The following GSDME variants were observed in gnomAD, a reference collection of about 807,000 sequenced individuals.
The protein encoded by GSDME is gasdermin-E.
In GSDME, 44 loss-of-function variants were observed where a neutral mutation model predicts 47.5. That is an observed-to-expected ratio of 0.93 (90% CI 0.73 to 1.19). The LOEUF is 1.19. Ranked by LOEUF, GSDME falls within the 50% of genes most tolerant of loss-of-function variation. GSDME has a pLI of 0.00. For synonymous variants in GSDME, 258 were observed against 252.8 expected (o/e 1.02, Z -0.20); for missense variants, 663 against 604.2 (o/e 1.10, Z -1.02).
intron 3 of GSDME, among the ~76,000 whole-genome samples, chr7:24,719,809 A>C (rs1261243444): frequency 6.6e-6 from 1 of 152,022 alleles, no homozygotes; most frequent in Non-Finnish European, 1.5e-5. Context: ...AAAAAGGAAA[A>C]GAAAAGAAAA....
At chr7:24,762,804 A>T (rs1394795299), upstream of GSDME, among the ~76,000 whole-genome samples, 1 of 129,144 alleles carries the variant, frequency 7.7e-6, no homozygotes, top group African/African-American at 2.9e-5. Flanking sequence ...CTTATTTCCT[A>T]CTCGGTAAAC....
chr7:24,771,491 C>T, the GSDME span, among the ~76,000 whole-genome samples: 4 of 152,222 alleles, frequency 2.6e-5, no homozygotes, highest in East Asian at 3.9e-4. The surrounding 1 kb of genome is among the most constrained non-coding windows in gnomAD (Gnocchi z 4.1). Flanking sequence ...TGCTTGGCAC[C>T]GTCTGAAATA....
chr7:24,713,918 T>C (rs1789449432), intron 5 of GSDME, among the ~76,000 whole-genome samples: 1 of 152,088 alleles, frequency 6.6e-6, no homozygotes, highest in Non-Finnish European at 1.5e-5. Flanking sequence ...ATCCCGCCAC[T>C]GCACTCCAGC....
At chr7:24,707,272 AC>A (rs199629968) in intron 7 of GSDME, 133 of 468,014 alleles carry the variant, frequency 2.8e-4, no homozygotes, top group African/African-American at 2.2e-3. Context: ...AGAACAAAAA[AC>A]AAAACTGTAG....
In GSDME at chr7:24,736,975, AAC is replaced by A. The variant is rs980367591; in HGVS notation, c.404+7585_404+7586del. Among the ~76,000 whole-genome samples, 9 of 152,182 alleles carry A rather than the reference AAC, an allele frequency of 5.9e-5. No homozygotes were observed. Among genetic ancestry groups the A allele is most frequent in the South Asian group, 2.1e-4 (1 of 4,832 alleles). ...TTTTATTGAAACAAATGATAACAGA[AAC>A]ACAACAGCAAAACCTATGGGGTACA... On this transcript the variant is annotated intron_variant, in intron 3 of 9. Coordinates refer to ENST00000645220, the MANE Select transcript of GSDME (RefSeq NM_001127453.2). The surrounding 1 kb of genome is among the most constrained non-coding windows in gnomAD (Gnocchi z 4.6).
chr7:24,729,894 G>A (rs1790089055), intron 3 of GSDME, among the ~76,000 whole-genome samples: 1 of 152,204 alleles, frequency 6.6e-6, no homozygotes, highest in African/African-American at 2.4e-5. Context: ...GAAGGGGAGA[G>A]ACGAGAACAG....
At chr7:24,699,970 C>A (rs17274565) in intron 9 of GSDME, among the ~76,000 whole-genome samples, 133 of 152,202 alleles carry the variant, frequency 8.7e-4, no homozygotes, top group African/African-American at 3.0e-3. Context: ...GAACCTTTTC[C>A]CTTGTTATTC....
chr7:24,699,768 TCCC>T (rs1788786999), intron 9 of GSDME, among the ~76,000 whole-genome samples: 1 of 152,196 alleles, frequency 6.6e-6, no homozygotes, highest in Non-Finnish European at 1.5e-5. Context: ...TCTGTCTGAA[TCCC>T]TACTCTCCAA....
intron 3 of GSDME, among the ~76,000 whole-genome samples, chr7:24,720,334 A>G (rs1789731656): frequency 6.6e-6 from 1 of 152,224 alleles, no homozygotes; most frequent in Non-Finnish European, 1.5e-5. Flanking sequence ...TGGTGACAGC[A>G]CAAGAAAAAT....
the GSDME span, among the ~76,000 whole-genome samples, chr7:24,781,279 A>T: frequency 6.6e-6 from 1 of 152,174 alleles, no homozygotes; most frequent in Non-Finnish European, 1.5e-5. Flanking sequence ...ATGTGGGAGG[A>T]GACACTTCTC....
chr7:24,758,900 C>T (rs1791118472), upstream of GSDME, among the ~76,000 whole-genome samples: 1 of 152,178 alleles, frequency 6.6e-6, no homozygotes. The surrounding 1 kb of genome is among the most constrained non-coding windows in gnomAD (Gnocchi z 4.6). Flanking sequence ...TGCCCAGCAC[C>T]TAGTTTAGGA....
chr7:24,711,336 T>C (rs1789344474), intron 5 of GSDME, among the ~76,000 whole-genome samples: 1 of 152,086 alleles, frequency 6.6e-6, no homozygotes, highest in Admixed American at 6.5e-5. Flanking sequence ...GCGATTCTCC[T>C]GTCTCACCCT....
upstream of GSDME, among the ~76,000 whole-genome samples, chr7:24,758,486 C>T (rs1302794612): frequency 6.6e-6 from 1 of 152,164 alleles, no homozygotes; most frequent in Non-Finnish European, 1.5e-5. This position sits in a 1 kb window ranked among gnomAD's most constrained non-coding sequence, Gnocchi z 4.6. Flanking sequence ...GTCAGTGTAT[C>T]GTCTTCACTG....
chr7:24,703,075 C>A, intron 8 of GSDME: 1 of 414,812 alleles, frequency 2.4e-6, no homozygotes, highest in Admixed American at 3.4e-5. Flanking sequence ...CCTTGACATT[C>A]AATTTACCAA....
rs999576038 is a variant in GSDME at position 24,735,024 on chromosome 7, G to A, written c.404+9538C>T. Among the ~76,000 whole-genome samples the A allele has an allele frequency of 4.1e-4, 63 of 152,104 alleles. No homozygotes were observed. Among genetic ancestry groups the A allele is most frequent in the African/African-American group, 1.5e-3 (62 of 41,412 alleles). ...TAATAAGCAAATTCCCAAAAATCAAGGATAAAGAAAGGATCCTAAAAGCAG... is the reference window on the plus strand; with the variant it reads ...TAATAAGCAAATTCCCAAAAATCAAAGATAAAGAAAGGATCCTAAAAGCAG... On this transcript the variant is annotated intron_variant, in intron 3 of 9. Transcript: ENST00000645220. This position sits in a 1 kb window ranked among gnomAD's most constrained non-coding sequence, Gnocchi z 4.4.
At chr7:24,774,182 G>A in the GSDME span, among the ~76,000 whole-genome samples, 1 of 151,958 alleles carries the variant, frequency 6.6e-6, no homozygotes, top group African/African-American at 2.4e-5. Flanking sequence ...TTTCCTGTTG[G>A]CATCACTCAT....
chr7:24,720,377 T>C lies in GSDME; in HGVS notation c.405-1159A>G, dbSNP rs183183959. Among the ~76,000 whole-genome samples the C allele has an allele frequency of 7.2e-5, 11 of 151,984 alleles. No homozygotes were observed. The East Asian group carries it at 1.4e-3, about 19-fold the overall frequency. On this transcript the variant is annotated intron_variant, in intron 3 of 9. Transcript: ENST00000645220. ...TCCATGCTGGTCTTTTTTTAAGAGG[T>C]TAGTTACCTTGAAAAGCTCAGCACC...
At chr7:24,766,911 C>T in the GSDME span, among the ~76,000 whole-genome samples, 1 of 152,206 alleles carries the variant, frequency 6.6e-6, no homozygotes, top group Non-Finnish European at 1.5e-5. The surrounding 1 kb of genome is among the most constrained non-coding windows in gnomAD (Gnocchi z 4.2). Context: ...CTAATTTACA[C>T]TCCCACCAAC....
Position 24,716,848 on chromosome 7 carries a change from C to A in GSDME, c.697+406G>T, listed in dbSNP as rs1041657538. ...CACAGCCCTGTGAAGAAATGCCCTT[C>A]ACCTTCCAGAGACAGGGAAGCCAAG... is the stretch of plus-strand genomic sequence containing the variant. On this transcript the variant is annotated intron_variant, in intron 5 of 9. Transcript: ENST00000645220. This position sits in a 1 kb window ranked among gnomAD's most constrained non-coding sequence, Gnocchi z 4.5. 2 of 291,270 alleles carry A rather than the reference C, an allele frequency of 6.9e-6. No homozygotes were observed. The highest frequency in any genetic ancestry group is 8.9e-5 in the Admixed American group (2 of 22,356). 18.0% of individuals were successfully genotyped at this position (291,270 alleles called of 1,614,324 possible).
Sources: gnomAD v4.1 joint callset for allele counts (sites outside exome capture counted in the v4.1 genomes callset) on GRCh38, gnomAD v4.1.1 for gene constraint, Gnocchi (gnomAD v3.1) non-coding constraint, MANE v1.5 for transcripts, NCBI Gene and HGNC (gene_info 2026-07-23, HGNC 2026-07-21) for gene names.